The following ELP4 variants were observed in gnomAD, a reference collection of about 807,000 sequenced individuals.
ELP4 encodes elongator acetyltransferase complex subunit 4, also known as elongator complex protein 4.
ELP4 carries 51 observed loss-of-function variants against 48.9 expected under a neutral mutation model. That is an observed-to-expected ratio of 1.04 (90% CI 0.83 to 1.32). The LOEUF is 1.32. Ranked by LOEUF, ELP4 falls within the 40% of genes most tolerant of loss-of-function variation. The pLI, the probability that ELP4 is intolerant of heterozygous loss-of-function variation, is 0.00. For missense variants in ELP4, 519 were observed against 514.6 expected (o/e 1.01, Z -0.08); for synonymous variants, 210 against 189.2 (o/e 1.11, Z -0.90).
intron 1 of ELP4, chr11:31,511,041 A>C (rs938138665): frequency 6.6e-6 from 1 of 152,132 alleles, no homozygotes. Context: ...TAGGCTTTTC[A>C]TAGGTTTAGT....
chr11:31,695,496 T>C (rs1218463595), intron 9 of ELP4, among the ~76,000 whole-genome samples: 1 of 151,818 alleles, frequency 6.6e-6, no homozygotes, highest in African/African-American at 2.4e-5. Flanking sequence ...CCTTGCATCC[T>C]AGGGATGAAG....
intron 9 of ELP4, among the ~76,000 whole-genome samples, chr11:31,732,400 A>T (rs1259332386): frequency 6.6e-6 from 1 of 151,882 alleles, no homozygotes; most frequent in South Asian, 2.1e-4. Flanking sequence ...TGTTAGCCCC[A>T]TGGTAACCAC....
chr11:31,740,085 A>T (rs1947412379), intron 9 of ELP4, among the ~76,000 whole-genome samples: 1 of 152,210 alleles, frequency 6.6e-6, no homozygotes, highest in Admixed American at 6.5e-5. Flanking sequence ...AGTTGAAAAA[A>T]CTATATAGCA....
intron 9 of ELP4, among the ~76,000 whole-genome samples, chr11:31,748,845 T>A (rs1947655763): frequency 6.6e-6 from 1 of 152,054 alleles, no homozygotes. Context: ...CTGTATCAAA[T>A]AAAGTAAAAT....
chr11:31,552,931 T>C (rs1052820809), intron 3 of ELP4, among the ~76,000 whole-genome samples: 5 of 152,164 alleles, frequency 3.3e-5, no homozygotes, highest in Admixed American at 3.3e-4. Flanking sequence ...TGCTCCAAAA[T>C]TAGGGCCATT....
chr11:31,630,997 G>A (rs968002994), intron 6 of ELP4, among the ~76,000 whole-genome samples: 51 of 152,142 alleles, frequency 3.4e-4, no homozygotes, highest in Admixed American at 9.8e-4. Flanking sequence ...TAATGTGTGT[G>A]TCTTGTCCAG....
At chr11:31,775,092 G>T (rs75847651) in intron 9 of ELP4, among the ~76,000 whole-genome samples, 2,096 of 152,298 alleles carry the variant, frequency 0.014, 51 homozygotes, top group African/African-American at 0.046. Flanking sequence ...CATTCAAAGA[G>T]CCTAGAGCAA....
intron 9 of ELP4, among the ~76,000 whole-genome samples, chr11:31,730,188 G>T (rs779195535): frequency 6.6e-6 from 1 of 152,078 alleles, no homozygotes; most frequent in Non-Finnish European, 1.5e-5. Flanking sequence ...GTCCATTTGT[G>T]CTACTATAAC....
intron 9 of ELP4, among the ~76,000 whole-genome samples, chr11:31,750,889 C>T (rs1368744825): frequency 3.9e-5 from 6 of 152,204 alleles, no homozygotes; most frequent in Non-Finnish European, 5.9e-5. Context: ...TTTCCCTTCT[C>T]CAGCCTATAG....
At chr11:31,600,287 A>G (rs141270196) in intron 4 of ELP4, 142 of 152,210 alleles carry the variant, frequency 9.3e-4, no homozygotes, top group African/African-American at 3.3e-3. Context: ...ATCATCAACC[A>G]CTATTCCTGA....
intron 9 of ELP4, among the ~76,000 whole-genome samples, chr11:31,752,384 G>A (rs1038407563): frequency 6.6e-6 from 1 of 152,068 alleles, no homozygotes; most frequent in Non-Finnish European, 1.5e-5. Context: ...TCACCATCAG[G>A]AACAAAGAGA....
chr11:31,542,107 G>T (rs1169370543), intron 3 of ELP4, among the ~76,000 whole-genome samples: 1 of 152,142 alleles, frequency 6.6e-6, no homozygotes, highest in Non-Finnish European at 1.5e-5. Flanking sequence ...ACAGGGTATA[G>T]GAAACAACAG....
rs142545153 is a variant in ELP4 at position 31,703,051 on chromosome 11, C to G, written c.1143+52830C>G. 2.5e-3 allele frequency among the ~76,000 whole-genome samples: 379 copies of G among 152,238 alleles called. 5 individuals are homozygous for G. Among genetic ancestry groups the G allele is most frequent in the East Asian group, 5.2e-3 (27 of 5,188 alleles). ...AAAGCTCCTTTTAATTTTTGGTTGT[C>G]CTTTGGGGGCTGCATGTGTGGGTTA... On this transcript the variant is annotated intron_variant, in intron 9 of 9. Transcript: ENST00000640961.
chr11:31,725,896 TAGAA>T (rs1264754989), intron 9 of ELP4, among the ~76,000 whole-genome samples: 1 of 152,176 alleles, frequency 6.6e-6, no homozygotes, highest in Non-Finnish European at 1.5e-5. Flanking sequence ...TATATGCTGA[TAGAA>T]GGAGTAATTT....
intron 9 of ELP4, among the ~76,000 whole-genome samples, chr11:31,735,675 C>T (rs1198953925): frequency 2.0e-5 from 3 of 152,120 alleles, no homozygotes; most frequent in East Asian, 3.9e-4. Context: ...TTCTTATACA[C>T]CATTAACAGA....
chr11:31,514,579 C>T (rs1956072468), intron 1 of ELP4, among the ~76,000 whole-genome samples: 1 of 152,098 alleles, frequency 6.6e-6, no homozygotes, highest in Non-Finnish European at 1.5e-5. Flanking sequence ...TGCCTGTTTT[C>T]ATTATAAAAA....
At position 31,738,341 on chromosome 11, in the gene ELP4, G is replaced by A. The variant is rs187873203; in HGVS notation, c.1144-45052G>A. On this transcript the variant is annotated intron_variant, in intron 9 of 9. Transcript: ENST00000640961. The stretch of plus-strand genomic sequence containing the variant: ...AGGTGGAAGAATTGCTTGGGCCGTG[G>A]TTCAAGGCTGCAGTGAGCTGTGATT... Among the ~76,000 whole-genome samples, 753 of 151,896 alleles carry A rather than the reference G, an allele frequency of 5.0e-3. 11 individuals are homozygous for A. Among genetic ancestry groups the A allele is most frequent in the Middle Eastern group, 6.8e-3 (2 of 294 alleles).
intron 2 of ELP4, among the ~76,000 whole-genome samples, chr11:31,521,612 A>G (rs1007782525): frequency 1.3e-5 from 2 of 152,112 alleles, no homozygotes; most frequent in African/African-American, 2.4e-5. Flanking sequence ...TGGATTTTCA[A>G]ATTTCTCAAC....
chr11:31,638,345 A>G (rs1945023462), intron 7 of ELP4, among the ~76,000 whole-genome samples: 2 of 151,856 alleles, frequency 1.3e-5, no homozygotes, highest in African/African-American at 4.8e-5. Context: ...TTATTCAACC[A>G]AATTTCAGAT....
Sources: allele counts gnomAD v4.1 joint callset (sites outside exome capture counted in the v4.1 genomes callset), GRCh38; gene constraint gnomAD v4.1.1; transcripts MANE v1.5; gene names NCBI Gene and HGNC (gene_info 2026-07-23, HGNC 2026-07-21).